FLI1: variants seen among roughly 807,000 people sequenced by gnomAD.
FLI1 encodes the protein Friend leukemia integration 1 transcription factor.
A neutral mutation model predicts 53.1 loss-of-function variants in FLI1; 13 were observed. The ratio of observed to expected loss-of-function variants is 0.24; its 90% CI spans 0.16 to 0.39. The LOEUF (loss-of-function observed/expected upper bound fraction) is 0.39, where lower values mean the gene tolerates loss of function less well. Ranked by LOEUF, FLI1 falls within the 10% of genes least tolerant of loss-of-function variation. FLI1 has a pLI of 1.00. For synonymous variants in FLI1, 244 were observed against 236.7 expected, an observed-to-expected ratio of 1.03 and a Z score of -0.28; for missense variants, 424 against 600.5, an observed-to-expected ratio of 0.71 and a Z score of 3.07.
At chr11:128,757,973 C>T (rs1033870359) in intron 1 of FLI1, 142 bp from the exon 2 acceptor site, 1 of 693,278 alleles carries the variant, frequency 1.4e-6, no homozygotes. Flanking sequence ...CAAACCTGCC[C>T]CCTGGAGTGT....
chr11:128,725,351 A>G (rs1439824823), intron 1 of FLI1, among the ~76,000 whole-genome samples: 1 of 152,158 alleles, frequency 6.6e-6, no homozygotes, highest in Non-Finnish European at 1.5e-5. Context: ...ATCCACATGC[A>G]CACACATTCA....
At chr11:128,784,663 C>T (rs1304674809) in intron 5 of FLI1, among the ~76,000 whole-genome samples, 2 of 152,318 alleles carry the variant, frequency 1.3e-5, no homozygotes, top group South Asian at 2.1e-4. Flanking sequence ...AAACAAAGTA[C>T]ATTAGCAAGA....
chr11:128,731,197 G>A (rs938015716), intron 1 of FLI1, among the ~76,000 whole-genome samples: 17 of 152,242 alleles, frequency 1.1e-4, no homozygotes, highest in South Asian at 2.1e-4. Flanking sequence ...TAAGCCACAC[G>A]GTGACATGTA....
chr11:128,705,927 T>C (rs1938529233), intron 1 of FLI1, among the ~76,000 whole-genome samples: 1 of 152,158 alleles, frequency 6.6e-6, no homozygotes, highest in African/African-American at 2.4e-5. Context: ...CAGCATTCTG[T>C]GTAATGTCCC....
intron 1 of FLI1, among the ~76,000 whole-genome samples, chr11:128,714,565 G>C (rs534979412): frequency 7.2e-5 from 11 of 152,128 alleles, no homozygotes; most frequent in Non-Finnish European, 1.5e-4. Context: ...ATCTTTTCTG[G>C]AATGGCTGTT....
At chr11:128,776,275 C>T (rs910908957) in intron 4 of FLI1, among the ~76,000 whole-genome samples, 4 of 152,076 alleles carry the variant, frequency 2.6e-5, no homozygotes, top group East Asian at 1.9e-4. Flanking sequence ...GCCACACAGG[C>T]GCCCACCCCT....
chr11:128,765,449 G>T (rs1941299151), intron 2 of FLI1, among the ~76,000 whole-genome samples: 2 of 152,202 alleles, frequency 1.3e-5, no homozygotes, highest in South Asian at 4.1e-4. Flanking sequence ...ATGTGGAAAA[G>T]AATTTTTCCA....
intron 1 of FLI1, among the ~76,000 whole-genome samples, chr11:128,742,841 C>T (rs932843618): frequency 2.0e-5 from 3 of 152,166 alleles, no homozygotes; most frequent in Admixed American, 6.5e-5. Flanking sequence ...TACGTGGAAT[C>T]GTCAGCACAT....
chr11:128,781,151 C>T (rs957309397), intron 4 of FLI1, among the ~76,000 whole-genome samples: 1 of 152,172 alleles, frequency 6.6e-6, no homozygotes, highest in Non-Finnish European at 1.5e-5. Flanking sequence ...AAATTCAACG[C>T]GTGACTCCTC....
intron 5 of FLI1, among the ~76,000 whole-genome samples, chr11:128,790,772 T>C (rs1377969434): frequency 6.6e-6 from 1 of 152,236 alleles, no homozygotes; most frequent in African/African-American, 2.4e-5. Context: ...TAGGTTTTAC[T>C]TCTTTGAGGA....
chr11:128,799,903 T>C (rs1009080970), intron 5 of FLI1, among the ~76,000 whole-genome samples: 1 of 152,186 alleles, frequency 6.6e-6, no homozygotes, highest in African/African-American at 2.4e-5. Flanking sequence ...GGACCTCTGA[T>C]GGAGATGGGG....
intron 3 of FLI1, among the ~76,000 whole-genome samples, chr11:128,771,093 C>A (rs1270549647): frequency 6.6e-6 from 1 of 152,218 alleles, no homozygotes; most frequent in Non-Finnish European, 1.5e-5. Context: ...AAGGACTTAA[C>A]CTTTTAAGAC....
chr11:128,793,234 G>A (rs532527079), intron 5 of FLI1, among the ~76,000 whole-genome samples: 4 of 152,024 alleles, frequency 2.6e-5, no homozygotes, highest in East Asian at 3.9e-4. Flanking sequence ...AGTTTCATGG[G>A]TAATCCTCTG....
At chr11:128,714,323 T>C (rs543648480) in intron 1 of FLI1, among the ~76,000 whole-genome samples, 1 of 152,264 alleles carries the variant, frequency 6.6e-6, no homozygotes, top group African/African-American at 2.4e-5. Flanking sequence ...GGCCTTCTCA[T>C]GCTGCAGTTT....
intron 1 of FLI1, among the ~76,000 whole-genome samples, chr11:128,751,823 T>C (rs1048096239): frequency 6.7e-6 from 1 of 148,620 alleles, no homozygotes; most frequent in African/African-American, 2.5e-5. Context: ...TTTTTTTTTT[T>C]GGGTTTGTTT....
intron 1 of FLI1, among the ~76,000 whole-genome samples, chr11:128,723,933 AT>A (rs376612983): frequency 0.12 from 9,888 of 80,624 alleles, 274 homozygotes; most frequent in East Asian, 0.26. Flanking sequence ...AATGGAGTTG[AT>A]TTTTTTTTTT....
chr11:128,686,466 A>C (rs1865805151), upstream of FLI1: 1 of 456,192 alleles, frequency 2.2e-6, no homozygotes, highest in African/African-American at 2.0e-5. Flanking sequence ...GCGTAGGGAG[A>C]GTGCTCAACA....
upstream of FLI1, among the ~76,000 whole-genome samples, chr11:128,692,458 C>G (rs2135680228): frequency 1.5e-5 from 2 of 132,562 alleles, no homozygotes; most frequent in South Asian, 2.6e-4. Context: ...ACCCCCAACA[C>G]GCACACCAAG....
chr11:128,702,236 G>A (rs897290612), intron 1 of FLI1, among the ~76,000 whole-genome samples: 1 of 152,182 alleles, frequency 6.6e-6, no homozygotes, highest in South Asian at 2.1e-4. Context: ...TCTCAATAGA[G>A]CATTCATGTA....
Sources: allele counts gnomAD v4.1 joint callset (sites outside exome capture counted in the v4.1 genomes callset), GRCh38; gene constraint gnomAD v4.1.1; transcripts MANE v1.5; gene names NCBI Gene and HGNC (gene_info 2026-07-23, HGNC 2026-07-21).